CHI3L2: variants seen among roughly 807,000 people sequenced by gnomAD.
The protein encoded by CHI3L2 is chitinase 3 like 2.
In CHI3L2, 47 loss-of-function variants were observed where a neutral mutation model predicts 47.3. That is an observed-to-expected ratio of 0.99 (90% CI 0.79 to 1.27). CHI3L2 has a LOEUF of 1.27. Ranked by LOEUF, CHI3L2 falls within the 50% of genes most tolerant of loss-of-function variation. The probability of loss-of-function intolerance (pLI) is 0.00; values close to 1 mark genes in which losing one functional copy is unlikely to be tolerated. For synonymous variants in CHI3L2, 198 were observed against 169.9 expected (o/e 1.17, Z -1.28); for missense variants, 497 against 462.1 (o/e 1.08, Z -0.69).
At chr1:111,239,771 G>C (rs1296913343) in intron 8 of CHI3L2, among the ~76,000 whole-genome samples, 1 of 152,128 alleles carries the variant, frequency 6.6e-6, no homozygotes, top group African/African-American at 2.4e-5. Context: ...AAGCATAGGG[G>C]AAGATATAAA....
chr1:111,228,562 G>T (rs758679693), intron 1 of CHI3L2, among the ~76,000 whole-genome samples: 1 of 152,216 alleles, frequency 6.6e-6, no homozygotes, highest in Admixed American at 6.5e-5. Flanking sequence ...GTGCCACAGA[G>T]AATTTCTCTG....
intron 9 of CHI3L2, 119 bp from the exon 10 acceptor site, chr1:111,242,108 G>T: frequency 7.5e-7 from 1 of 1,327,822 alleles, no homozygotes. Context: ...TCTAACTCCA[G>T]AAAACCAGTT....
At chr1:111,242,908 G>A (rs1225418270) in intron 10 of CHI3L2, among the ~76,000 whole-genome samples, 1 of 152,062 alleles carries the variant, frequency 6.6e-6, no homozygotes, top group African/African-American at 2.4e-5. Flanking sequence ...TCCATCCCTG[G>A]GCCCCCAGTT....
Position 111,242,315 on chromosome 1 carries a change from G to A in CHI3L2, c.1124G>A (p.Gly375Asp), listed in dbSNP as rs1660084393. ...DDFTGKSCNQ[G>D]PYPLVQAVKR... is the part of the protein sequence containing the mutation. ...TTCACTGGCAAATCCTGCAACCAGG[G>A]CCCTTACCCTCTTGTCCAAGCAGTC... The change falls in exon 10 of 11, where the codon GGC becomes GAC. Residue 375 changes from glycine to aspartate, a missense_variant. Transcript: ENST00000369748. 1.9e-6 allele frequency: 3 copies of A among 1,613,680 alleles called. No homozygotes were observed. Among genetic ancestry groups the A allele is most frequent in the Non-Finnish European group, 1.7e-6 (2 of 1,179,894 alleles).
rs143192052 is a variant in CHI3L2, at chr1:111,232,979, T to C, written c.329+1685T>C. Among the ~76,000 whole-genome samples the C allele has an allele frequency of 2.2e-4, 34 of 152,322 alleles. No individual in the cohort carries two copies. The East Asian group carries it at 3.1e-3, about 14-fold the overall frequency. On this transcript the variant is annotated intron_variant, in intron 4 of 10. Transcript: ENST00000369748. The stretch of plus-strand genomic sequence containing the variant: ...CAGGAATCAAAATCTCAATTTAATA[T>C]TGAGTAAAACAAAATTAATTCAAGG...
chr1:111,232,865 G>C (rs574412827), intron 4 of CHI3L2, among the ~76,000 whole-genome samples: 4 of 152,196 alleles, frequency 2.6e-5, no homozygotes, highest in Non-Finnish European at 5.9e-5. Context: ...TCAAATGCAA[G>C]AGAAAAGCTA....
intron 5 of CHI3L2, 43 bp downstream of exon 5, chr1:111,235,100 G>C: frequency 1.3e-6 from 2 of 1,598,932 alleles, no homozygotes; most frequent in Non-Finnish European, 1.7e-6. Context: ...AGATGCCACG[G>C]TGTACTCAGT....
chr1:111,235,714 G>A lies in CHI3L2; in HGVS notation c.556G>A (p.Ala186Thr), dbSNP rs1436654902. The A allele has an allele frequency of 6.2e-7, 1 of 1,614,214 alleles. No individual in the cohort carries two copies. The highest frequency in any genetic ancestry group is 8.5e-7 in the Non-Finnish European group (1 of 1,180,028). Residue 186 changes from alanine to threonine, a missense_variant, in exon 6 of 11, where the codon GCA (alanine) becomes ACA (threonine). Transcript: ENST00000369748. ...GCTTCTCTTGACTGCGGGCGTATCT[G>A]CAGGGAGGCAAATGATTGATAACAG... ...ERLLLTAGVS[A>T]GRQMIDNSYQ...
intron 8 of CHI3L2, among the ~76,000 whole-genome samples, chr1:111,239,579 A>G (rs1267169283): frequency 6.6e-6 from 1 of 152,206 alleles, no homozygotes; most frequent in Non-Finnish European, 1.5e-5. Context: ...CAAGAGGGAT[A>G]GGAGGAACCC....
intron 6 of CHI3L2, 21 bp from the exon 7 acceptor site, chr1:111,236,003 C>T: frequency 1.2e-6 from 2 of 1,613,102 alleles, no homozygotes; most frequent in Non-Finnish European, 1.7e-6. Flanking sequence ...AAAATCTCTC[C>T]CATTGCTTTT....
At chr1:111,230,147 T>G (rs1659671721) in intron 2 of CHI3L2, among the ~76,000 whole-genome samples, 2 of 152,184 alleles carry the variant, frequency 1.3e-5, no homozygotes, top group African/African-American at 4.8e-5. Flanking sequence ...AATGTTTGTA[T>G]TATCTGTTTC....
intron 4 of CHI3L2, among the ~76,000 whole-genome samples, chr1:111,233,596 C>T (rs1019318577): frequency 7.9e-5 from 12 of 152,008 alleles, no homozygotes; most frequent in South Asian, 4.2e-4. Flanking sequence ...CCCGGCCAGC[C>T]GCCCCGTCCG....
chr1:111,229,828 T>C, intron 1 of CHI3L2, 24 bp from the exon 2 acceptor site: 4 of 1,613,654 alleles, frequency 2.5e-6, no homozygotes, highest in Non-Finnish European at 2.5e-6. Context: ...TCAACAGATT[T>C]CTCTTTCCAC....
intron 1 of CHI3L2, among the ~76,000 whole-genome samples, chr1:111,229,107 T>C (rs543134672): frequency 6.6e-6 from 1 of 152,324 alleles, no homozygotes; most frequent in African/African-American, 2.4e-5. Context: ...ATTAATAATG[T>C]TCCTTTTTAC....
chr1:111,236,211 T>A (rs1484513389), intron 7 of CHI3L2, 58 bp downstream of exon 7: 1 of 1,562,676 alleles, frequency 6.4e-7, no homozygotes. Context: ...CTGGGGAGAG[T>A]CCAGCATGTC....
intron 7 of CHI3L2, among the ~76,000 whole-genome samples, 161 bp from the exon 8 acceptor site, chr1:111,238,589 A>C (rs1431085922): frequency 6.6e-6 from 1 of 152,258 alleles, no homozygotes; most frequent in Non-Finnish European, 1.5e-5. Context: ...GCATATGTGC[A>C]TTACAACAAG....
chr1:111,235,075 TA>T lies in CHI3L2; in HGVS notation c.480+20del. ...TGATTCATGTAAGTCATGAATCAAG[TA>T]ATTCATGTGAGTCAGATGCCACGGT... On this transcript the variant is annotated intron_variant, in intron 5 of 10. Transcript: ENST00000369748. The T allele has an allele frequency of 1.2e-6, 2 of 1,612,334 alleles. No homozygotes were observed. Among genetic ancestry groups the T allele is most frequent in the African/African-American group, 2.7e-5 (2 of 75,012 alleles).
chr1:111,237,904 G>A (rs1192324532), intron 7 of CHI3L2, among the ~76,000 whole-genome samples: 5 of 152,186 alleles, frequency 3.3e-5, no homozygotes, highest in Admixed American at 2.6e-4. Context: ...TAAGTCTGAT[G>A]AGAAACATTT....
chr1:111,240,918 T>C (rs1660031786), intron 8 of CHI3L2, among the ~76,000 whole-genome samples: 1 of 152,250 alleles, frequency 6.6e-6, no homozygotes, highest in East Asian at 1.9e-4. Context: ...TAGAGCACTT[T>C]ACTGTTTTCA....
Sources: gnomAD v4.1 joint callset for allele counts (sites outside exome capture counted in the v4.1 genomes callset) on GRCh38, gnomAD v4.1.1 for gene constraint, MANE v1.5 for transcripts, NCBI Gene and HGNC (gene_info 2026-07-23, HGNC 2026-07-21) for gene names.